The following CPA6 variants were observed in gnomAD, a reference collection of about 807,000 sequenced individuals.
CPA6 encodes the protein carboxypeptidase B.
CPA6 carries 58 observed loss-of-function variants against 63.3 expected under a neutral mutation model. The ratio of observed to expected loss-of-function variants is 0.92; its 90% CI spans 0.74 to 1.14. CPA6 has a LOEUF of 1.14. Ranked by LOEUF, CPA6 falls within the 50% of genes most tolerant of loss-of-function variation. CPA6 has a pLI of 0.00. For missense variants in CPA6, 565 were observed against 526.6 expected, an observed-to-expected ratio of 1.07 and a Z score of -0.71; for synonymous variants, 185 against 179.0, an observed-to-expected ratio of 1.03 and a Z score of -0.27.
chr8:67,431,706 A>T, intron 9 of CPA6, among the ~76,000 whole-genome samples: 1 of 152,244 alleles, frequency 6.6e-6, no homozygotes, highest in East Asian at 1.9e-4. Context: ...CAACAAAAAC[A>T]AAGTATATTT....
intron 2 of CPA6, among the ~76,000 whole-genome samples, chr8:67,534,174 C>T (rs961956979): frequency 1.3e-5 from 2 of 152,174 alleles, no homozygotes; most frequent in South Asian, 4.1e-4. Context: ...GGCTCAAGGA[C>T]CTTGCACATA....
chr8:67,659,425 T>C (rs1358888440), intron 1 of CPA6, among the ~76,000 whole-genome samples: 1 of 152,254 alleles, frequency 6.6e-6, no homozygotes, highest in African/African-American at 2.4e-5. Flanking sequence ...ACCTATTTAT[T>C]TGAGTTAAAA....
intron 2 of CPA6, among the ~76,000 whole-genome samples, chr8:67,520,569 C>T (rs1440465019): frequency 6.6e-6 from 1 of 152,182 alleles, no homozygotes; most frequent in African/African-American, 2.4e-5. Flanking sequence ...TGGTGGCAGG[C>T]AGGTGCCTAT....
chr8:67,620,717 T>A (rs1054651584), intron 2 of CPA6, among the ~76,000 whole-genome samples: 2 of 152,206 alleles, frequency 1.3e-5, no homozygotes, highest in Admixed American at 6.5e-5. Context: ...GACATCAAGG[T>A]AACGCAATGC....
chr8:67,590,982 A>T (rs1398228048), intron 2 of CPA6, among the ~76,000 whole-genome samples: 7 of 152,172 alleles, frequency 4.6e-5, no homozygotes, highest in African/African-American at 1.4e-4. Context: ...CTGAATGGTA[A>T]TGCCTAGGTT....
intron 2 of CPA6, among the ~76,000 whole-genome samples, chr8:67,575,561 A>T (rs577740459): frequency 6.6e-6 from 1 of 152,340 alleles, no homozygotes; most frequent in African/African-American, 2.4e-5. Context: ...GCTTTAAAAA[A>T]GGAAGAAATT....
chr8:67,666,919 G>A (rs1816243658), intron 1 of CPA6, among the ~76,000 whole-genome samples: 1 of 152,140 alleles, frequency 6.6e-6, no homozygotes, highest in South Asian at 2.1e-4. Context: ...GCTATGTCCA[G>A]AATCGCAAGC....
At position 67,434,213 on chromosome 8, in the gene CPA6, T is replaced by A; in HGVS notation, c.866A>T (p.Asp289Val). 6.2e-7 allele frequency: 1 copy of A among 1,614,090 alleles called. No individual in the cohort carries two copies. ...TGGAAAAGGGCCACAGTATGTGTCA[T>A]CACAAGGGTGCATAGAAGCTCCTTC... is the stretch of plus-strand genomic sequence containing the variant. ...CDEGASMHPC[D>V]DTYCGPFPES... Residue 289 changes from aspartate (D) to valine (V), a missense_variant, in exon 9 of 11, where the codon GAT (aspartate) becomes GTT (valine). Transcript: ENST00000297770.
In CPA6 at chr8:67,528,779, C is replaced by T. The variant is rs536098862; in HGVS notation, c.193-10732G>A. Among the ~76,000 whole-genome samples the T allele has an allele frequency of 2.4e-4, 37 of 152,064 alleles. No homozygotes were observed. In the South Asian group the frequency reaches 6.6e-3, roughly 27 times the overall value. On this transcript the variant is annotated intron_variant, in intron 2 of 10. Transcript: ENST00000297770. The stretch of plus-strand genomic sequence containing the variant: ...TTGATCCACTGTCCAATAAAACCAC[C>T]GCCACTTGTTCATCCCACTTCACGA...
intron 1 of CPA6, among the ~76,000 whole-genome samples, chr8:67,739,795 G>T (rs1817879276): frequency 6.6e-6 from 1 of 152,170 alleles, no homozygotes; most frequent in Non-Finnish European, 1.5e-5. Flanking sequence ...GCCAAAGTAG[G>T]TCTTTGAGCA....
intron 8 of CPA6, among the ~76,000 whole-genome samples, chr8:67,447,679 T>G (rs1019469507): frequency 6.6e-6 from 1 of 152,206 alleles, no homozygotes; most frequent in Non-Finnish European, 1.5e-5. Flanking sequence ...CCACAAGTAG[T>G]GTGTAAGAGT....
intron 1 of CPA6, among the ~76,000 whole-genome samples, chr8:67,663,369 A>G (rs952697018): frequency 1.2e-4 from 18 of 152,046 alleles, no homozygotes; most frequent in African/African-American, 3.9e-4. Flanking sequence ...ACTTTTTTTT[A>G]TTTTAATTTT....
At chr8:67,584,015 G>T (rs1046967156) in intron 2 of CPA6, among the ~76,000 whole-genome samples, 2 of 151,934 alleles carry the variant, frequency 1.3e-5, no homozygotes, top group Non-Finnish European at 2.9e-5. Flanking sequence ...AAAACTTTCT[G>T]GGCATGGTGG....
At chr8:67,483,687 G>A (rs1471636617) in intron 8 of CPA6, 81 bp downstream of exon 8, 1 of 1,102,626 alleles carries the variant, frequency 9.1e-7, no homozygotes, top group Middle Eastern at 2.0e-4. Context: ...AGTCTCCCAT[G>A]AGAGTCCTCT....
intron 1 of CPA6, among the ~76,000 whole-genome samples, chr8:67,676,352 C>T (rs1816474672): frequency 6.6e-6 from 1 of 152,240 alleles, no homozygotes; most frequent in African/African-American, 2.4e-5. Flanking sequence ...AATCAGATCT[C>T]ATTTACTAAA....
chr8:67,557,333 T>C (rs1813086628), intron 2 of CPA6, among the ~76,000 whole-genome samples: 1 of 152,178 alleles, frequency 6.6e-6, no homozygotes, highest in Non-Finnish European at 1.5e-5. Context: ...ACCCATTGAG[T>C]TGCATGTTTA....
At chr8:67,542,083 A>G (rs1812720524) in intron 2 of CPA6, among the ~76,000 whole-genome samples, 1 of 152,238 alleles carries the variant, frequency 6.6e-6, no homozygotes, top group Non-Finnish European at 1.5e-5. Context: ...TGGGTATCTC[A>G]ACAAAGTTAA....
chr8:67,651,661 A>G lies in CPA6; in HGVS notation c.117-27410T>C, dbSNP rs74468047. Among the ~76,000 whole-genome samples the G allele has an allele frequency of 9.7e-4, 147 of 152,114 alleles. No individual in the cohort carries two copies. The East Asian group carries it at 0.025, about 26-fold the overall frequency. On this transcript the variant is annotated intron_variant, in intron 1 of 10. Transcript: ENST00000297770. ...TCCTTACATTTCCTATTCAAGGAAC[A>G]TTTTCCTGTAAAACGACATGTTGAG...
chr8:67,742,541 GGTT>G (rs1817932843), intron 1 of CPA6, among the ~76,000 whole-genome samples: 1 of 152,092 alleles, frequency 6.6e-6, no homozygotes, highest in Non-Finnish European at 1.5e-5. Flanking sequence ...AAATGCATAA[GGTT>G]GTTCTTAGAA....
Sources: gnomAD v4.1 joint callset for allele counts (sites outside exome capture counted in the v4.1 genomes callset) on GRCh38, gnomAD v4.1.1 for gene constraint, MANE v1.5 for transcripts, NCBI Gene and HGNC (gene_info 2026-07-23, HGNC 2026-07-21) for gene names.